ALMS1: variants seen among roughly 807,000 people sequenced by gnomAD.
ALMS1 encodes centrosome-associated protein ALMS1.
ALMS1 carries 271 observed loss-of-function variants against 352.2 expected under a neutral mutation model. The observed-to-expected ratio is 0.77, with a 90% confidence interval of 0.70 to 0.85. The LOEUF is 0.85. ALMS1 is among the 40% of genes least tolerant of loss of function. ALMS1 has a pLI of 0.00. For synonymous variants in ALMS1, 1,865 were observed against 1,761.2 expected (o/e 1.06, Z -1.48); for missense variants, 5,445 against 4,870.7 (o/e 1.12, Z -3.51).
intron 10 of ALMS1, among the ~76,000 whole-genome samples, chr2:73,515,990 C>T (rs866530711): frequency 6.6e-6 from 1 of 151,894 alleles, no homozygotes; most frequent in Non-Finnish European, 1.5e-5. Context: ...CAAAAGAAAC[C>T]GTCAGCATAG....
intron 1 of ALMS1, among the ~76,000 whole-genome samples, chr2:73,401,877 T>G (rs1670878357): frequency 6.6e-6 from 1 of 152,206 alleles, no homozygotes; most frequent in South Asian, 2.1e-4. Context: ...TCTTTGTACT[T>G]GACTTTAAAA....
chr2:73,409,082 G>T (rs995976710), intron 2 of ALMS1, among the ~76,000 whole-genome samples: 1 of 151,674 alleles, frequency 6.6e-6, no homozygotes, highest in Non-Finnish European at 1.5e-5. Context: ...TCGCTTTGTT[G>T]CCCAGGCTGG....
intron 7 of ALMS1, among the ~76,000 whole-genome samples, chr2:73,445,994 A>G (rs1225228194): frequency 6.6e-6 from 1 of 152,210 alleles, no homozygotes; most frequent in Non-Finnish European, 1.5e-5. Flanking sequence ...GTACATAGAC[A>G]CATTTTATAA....
chr2:73,545,181 G>GT (rs199515863), intron 12 of ALMS1, among the ~76,000 whole-genome samples: 5,248 of 139,850 alleles, frequency 0.038, 124 homozygotes, highest in Non-Finnish European at 0.053. Context: ...ATTTTTTGTG[G>GT]TTTTTTTTTT....
chr2:73,533,289 T>C (rs919982960), intron 11 of ALMS1, among the ~76,000 whole-genome samples: 1 of 152,224 alleles, frequency 6.6e-6, no homozygotes, highest in African/African-American at 2.4e-5. Flanking sequence ...TCACCAAGAC[T>C]TTCCTGGGAA....
intron 9 of ALMS1, among the ~76,000 whole-genome samples, chr2:73,468,711 T>C (rs74519430): frequency 0.06 from 9,136 of 152,046 alleles, 667 homozygotes; most frequent in African/African-American, 0.16. Flanking sequence ...GCATATGTTA[T>C]AATTTTGTAA....
chr2:73,391,355 G>A (rs1256626143), intron 1 of ALMS1, among the ~76,000 whole-genome samples: 1 of 136,196 alleles, frequency 7.3e-6, no homozygotes, highest in East Asian at 2.0e-4. Context: ...GTGCAGTGGC[G>A]CAATCTCGGC....
intron 15 of ALMS1, among the ~76,000 whole-genome samples, chr2:73,570,060 ATTGT>A (rs1558698378): frequency 6.6e-6 from 1 of 152,212 alleles, no homozygotes; most frequent in Non-Finnish European, 1.5e-5. Context: ...TAGATGTGTG[ATTGT>A]TTGGTGAAGG....
At position 73,581,758 on chromosome 2, in the gene ALMS1, T is replaced by G. The variant is rs546950045; in HGVS notation, c.11547+8334T>G. On this transcript the variant is annotated intron_variant, in intron 16 of 22. Coordinates refer to ENST00000613296, the MANE Select transcript of ALMS1 (RefSeq NM_001378454.1). ...GTGACATCAATTATTTTTTCTTTTTTTTTTTTTTGAGACGTAGTCTCTATT... is the reference window on the plus strand; with the variant it reads ...GTGACATCAATTATTTTTTCTTTTTGTTTTTTTTGAGACGTAGTCTCTATT... Among the ~76,000 whole-genome samples the G allele has an allele frequency of 3.3e-4, 50 of 152,084 alleles. 1 individual carries two copies. Among genetic ancestry groups the G allele is most frequent in the Admixed American group, 3.0e-3 (46 of 15,286 alleles).
chr2:73,415,550 C>G (rs1331720044), intron 2 of ALMS1, among the ~76,000 whole-genome samples: 5 of 152,092 alleles, frequency 3.3e-5, no homozygotes, highest in African/African-American at 1.2e-4. Flanking sequence ...CTCTCTCCTG[C>G]TCTACAATTA....
intron 16 of ALMS1, among the ~76,000 whole-genome samples, chr2:73,579,519 C>G (rs1029886794): frequency 6.6e-6 from 1 of 151,878 alleles, no homozygotes; most frequent in Non-Finnish European, 1.5e-5. Flanking sequence ...CACCACCACA[C>G]CCAGCTAATT....
chr2:73,554,640 G>A (rs1363217918), intron 13 of ALMS1, among the ~76,000 whole-genome samples: 5 of 152,144 alleles, frequency 3.3e-5, no homozygotes, highest in African/African-American at 4.8e-5. Context: ...ATGAACCTGG[G>A]AGGCGGAGCT....
intron 9 of ALMS1, among the ~76,000 whole-genome samples, chr2:73,455,544 C>A (rs953998024): frequency 6.6e-6 from 1 of 152,162 alleles, no homozygotes; most frequent in African/African-American, 2.4e-5. Context: ...GCTGGGACCA[C>A]ATGTGTGTAC....
intron 6 of ALMS1, among the ~76,000 whole-genome samples, chr2:73,427,658 C>T (rs979706949): frequency 2.0e-5 from 3 of 152,068 alleles, no homozygotes; most frequent in African/African-American, 7.2e-5. Context: ...CCGCGACGGG[C>T]CCTGGTGTGT....
intron 12 of ALMS1, among the ~76,000 whole-genome samples, chr2:73,543,725 T>C (rs1674245313): frequency 6.6e-6 from 1 of 152,166 alleles, no homozygotes; most frequent in Admixed American, 6.5e-5. Context: ...CAGACACTTC[T>C]CAAAAGAAGA....
chr2:73,412,773 G>T (rs1206864604), intron 2 of ALMS1, among the ~76,000 whole-genome samples: 2 of 152,130 alleles, frequency 1.3e-5, no homozygotes, highest in Non-Finnish European at 2.9e-5. Flanking sequence ...TCTGGCCTGG[G>T]TGACAGAATG....
chr2:73,609,556 T>C lies in ALMS1; in HGVS notation c.12463-12T>C. ...TATCTAACTTCTTTCCTGCCTTTCTTTTCTTCTACAGAGAGTGACCAATCA... is the reference window on the plus strand; with the variant it reads ...TATCTAACTTCTTTCCTGCCTTTCTCTTCTTCTACAGAGAGTGACCAATCA... On this transcript the variant is annotated splice_polypyrimidine_tract_variant and intron_variant, in intron 22 of 22. Transcript: ENST00000613296. The C allele has an allele frequency of 6.2e-7, 1 of 1,614,116 alleles. No individual in the cohort carries two copies. The highest frequency in any genetic ancestry group is 8.5e-7 in the Non-Finnish European group (1 of 1,179,962).
chr2:73,483,284 G>T (rs1353464384), intron 9 of ALMS1, among the ~76,000 whole-genome samples: 1 of 151,164 alleles, frequency 6.6e-6, no homozygotes, highest in African/African-American at 2.4e-5. Flanking sequence ...CTTTGTTCTC[G>T]TTGGTTTCAA....
At chr2:73,543,426 T>C (rs1207093979) in intron 12 of ALMS1, among the ~76,000 whole-genome samples, 1 of 152,168 alleles carries the variant, frequency 6.6e-6, no homozygotes, top group Non-Finnish European at 1.5e-5. Context: ...GAAGAAAACC[T>C]AGGCAATACC....
Sources: allele counts gnomAD v4.1 joint callset (sites outside exome capture counted in the v4.1 genomes callset), GRCh38; gene constraint gnomAD v4.1.1; transcripts MANE v1.5; gene names NCBI Gene and HGNC (gene_info 2026-07-23, HGNC 2026-07-21).